The following THEM4 variants were observed in gnomAD, a reference collection of about 807,000 sequenced individuals.
THEM4 encodes thioesterase superfamily member 4, also known as acyl-coenzyme A thioesterase THEM4.
Under a neutral mutation model 25.0 loss-of-function variants are expected in THEM4, and 22 were observed. That is an observed-to-expected ratio of 0.88 (90% CI 0.63 to 1.26). The LOEUF (loss-of-function observed/expected upper bound fraction) is 1.26, where lower values mean the gene tolerates loss of function less well. THEM4 is among the 50% of genes most tolerant of loss of function. The pLI is 0.00. For missense variants in THEM4, 286 were observed against 300.3 expected, an observed-to-expected ratio of 0.95 and a Z score of 0.35; for synonymous variants, 113 against 105.6, an observed-to-expected ratio of 1.07 and a Z score of -0.43.
At chr1:151,880,591 T>C (rs1163171214) in intron 4 of THEM4, among the ~76,000 whole-genome samples, 2 of 152,240 alleles carry the variant, frequency 1.3e-5, no homozygotes, top group African/African-American at 2.4e-5. Flanking sequence ...TAGACGCATA[T>C]TGATTTAGTT....
At chr1:151,882,159 T>C (rs1653837202) in intron 4 of THEM4, among the ~76,000 whole-genome samples, 1 of 151,788 alleles carries the variant, frequency 6.6e-6, no homozygotes, top group African/African-American at 2.4e-5. Flanking sequence ...GGATGGATCA[T>C]GAGGCCAGGA....
At chr1:151,892,814 G>A (rs1654122322) in intron 2 of THEM4, among the ~76,000 whole-genome samples, 1 of 152,114 alleles carries the variant, frequency 6.6e-6, no homozygotes, top group Admixed American at 6.5e-5. Context: ...CTGAGAGACT[G>A]CATGAGATTA....
At chr1:151,903,138 T>A (rs1000015132) in intron 1 of THEM4, among the ~76,000 whole-genome samples, 4 of 152,114 alleles carry the variant, frequency 2.6e-5, no homozygotes, top group African/African-American at 7.2e-5. Context: ...TTTTTCCATA[T>A]ATATATATTT....
At chr1:151,880,409 C>T (rs932811328) in intron 4 of THEM4, among the ~76,000 whole-genome samples, 5 of 151,612 alleles carry the variant, frequency 3.3e-5, no homozygotes, top group Non-Finnish European at 7.4e-5. Context: ...ATCCAGCAGG[C>T]GGAGGTTGCC....
At position 151,887,786 on chromosome 1, in the gene THEM4, C is replaced by T. The variant is rs1230493608; in HGVS notation, c.557+487G>A. On this transcript the variant is annotated intron_variant, in intron 4 of 5. Transcript: ENST00000368814. The stretch of plus-strand genomic sequence containing the variant: ...TACAGACGTGCACTGCTGGGCCCAG[C>T]TAAATTTTTAAAAAATTAATTTTGT... 6.6e-5 allele frequency among the ~76,000 whole-genome samples: 10 copies of T among 152,206 alleles called. 1 individual carries two copies. In the East Asian group the frequency reaches 1.9e-3, roughly 29 times the overall value.
At chr1:151,909,296 C>A in intron 1 of THEM4, 64 bp downstream of exon 1, 1 of 1,353,432 alleles carries the variant, frequency 7.4e-7, no homozygotes, top group South Asian at 1.3e-5. Context: ...ATCGAAGGCT[C>A]TGTTACCGCA....
At chr1:151,889,403 G>T (rs1460978958) in intron 2 of THEM4, 30 bp from the exon 3 acceptor site, 12 of 1,606,482 alleles carry the variant, frequency 7.5e-6, no homozygotes. Context: ...TGGCAAATGA[G>T]AAACAAGGGT....
intron 1 of THEM4, among the ~76,000 whole-genome samples, chr1:151,908,610 G>A (rs184249089): frequency 2.4e-4 from 37 of 152,324 alleles, no homozygotes; most frequent in Middle Eastern, 6.8e-3. Flanking sequence ...TTCTTAAGGA[G>A]TGCTCAGCTT....
chr1:151,894,145 G>A lies in THEM4; in HGVS notation c.286+863C>T, dbSNP rs562846734. On this transcript the variant is annotated intron_variant, in intron 2 of 5. Transcript: ENST00000368814. ...CCCAAAGTGCTGGGATTATAGGCAT[G>A]AGCCACGGTGCCTGGCCCAAGGGCC... Among the ~76,000 whole-genome samples the A allele has an allele frequency of 3.3e-5, 5 of 152,284 alleles. No homozygotes were observed. In the South Asian group the frequency reaches 8.3e-4, roughly 25 times the overall value.
chr1:151,909,400 A>T lies in THEM4; in HGVS notation c.59T>A (p.Val20Glu), dbSNP rs1206910583. ...CTCGCTTCCCGGCAGGCGCCGGCCT[A>T]CTGGCGGCAGGCACAGAGCCCCCAG... ...RTLGALCLPP[V>E]GRRLPGSEPR... is the part of the protein sequence containing the mutation. The change falls in exon 1 of 6, where the codon GTA becomes GAA. Residue 20 changes from valine to glutamate, a missense_variant. Val to Glu is a moderately radical substitution (Grantham distance 121). Transcript: ENST00000368814. 2.3e-5 allele frequency: 35 copies of T among 1,505,170 alleles called. No individual in the cohort carries two copies. The highest frequency in any genetic ancestry group is 3.1e-5 in the Non-Finnish European group (35 of 1,133,560). The allele number at this position is 1,505,170 out of a possible 1,614,324, so 93.2% of individuals were successfully genotyped here.
At position 151,874,831 on chromosome 1, in the gene THEM4, G is replaced by A. The variant is rs1653637234; in HGVS notation, c.*57C>T. Reference sequence around the variant, plus strand: ...CAGCAGTGAGGGAGCAGAGTATTTGGGGGACAACTGCTTCTTCTGGAGGGG... The same window carrying A: ...CAGCAGTGAGGGAGCAGAGTATTTGAGGGACAACTGCTTCTTCTGGAGGGG... On this transcript the variant is annotated 3_prime_UTR_variant, in exon 6 of 6. Transcript: ENST00000368814. The A allele has an allele frequency of 6.5e-7, 1 of 1,539,274 alleles. No individual in the cohort carries two copies. Among genetic ancestry groups the A allele is most frequent in the Middle Eastern group, 2.2e-4 (1 of 4,536 alleles).
At position 151,873,092 on chromosome 1, in the gene THEM4, C is replaced by A. The variant is rs866488284; in HGVS notation, c.*1796G>T. Among the ~76,000 whole-genome samples, 2 of 152,108 alleles carry A rather than the reference C, an allele frequency of 1.3e-5. No homozygotes were observed. The highest frequency in any genetic ancestry group is 2.9e-5 in the Non-Finnish European group (2 of 68,006). On this transcript the variant is annotated 3_prime_UTR_variant, in exon 6 of 6. Transcript: ENST00000368814. ...GAGAAAACCACCCTGTGGCTGGAGC[C>A]AAGATACGCTGGCGGCAATGCTGCT...
chr1:151,903,432 A>G (rs1654394684), intron 1 of THEM4, among the ~76,000 whole-genome samples: 1 of 152,262 alleles, frequency 6.6e-6, no homozygotes. Context: ...TTTCAATAGC[A>G]GAAAAATAGT....
At chr1:151,885,504 T>C (rs1260742434) in intron 4 of THEM4, among the ~76,000 whole-genome samples, 2 of 152,292 alleles carry the variant, frequency 1.3e-5, no homozygotes, top group African/African-American at 4.8e-5. Context: ...CCCTGAGGTC[T>C]AAATCTTATT....
In THEM4 at chr1:151,895,346, C is replaced by A. The variant is rs1042910472; in HGVS notation, c.100-152G>T. ...AAGGGAATTTCAGGGATCATCTGGTCCAACCTCCTTGGGAAAATGAGAGAC... is the reference window on the plus strand; with the variant it reads ...AAGGGAATTTCAGGGATCATCTGGTACAACCTCCTTGGGAAAATGAGAGAC... On this transcript the variant is annotated intron_variant, in intron 1 of 5. Transcript: ENST00000368814. 40 of 695,712 alleles carry A rather than the reference C, an allele frequency of 5.7e-5. No homozygotes were observed. In the South Asian group the frequency reaches 6.4e-4, roughly 11 times the overall value. 43.1% of individuals were successfully genotyped at this position (695,712 alleles called of 1,614,324 possible).
intron 4 of THEM4, among the ~76,000 whole-genome samples, chr1:151,884,051 G>T (rs1361777077): frequency 6.6e-6 from 1 of 151,192 alleles, no homozygotes; most frequent in Non-Finnish European, 1.5e-5. Flanking sequence ...CTCCAGCCTG[G>T]GTGGCAGAGT....
At chr1:151,881,480 T>C (rs775745109) in intron 4 of THEM4, among the ~76,000 whole-genome samples, 36 of 152,240 alleles carry the variant, frequency 2.4e-4, no homozygotes, top group Non-Finnish European at 4.4e-4. Flanking sequence ...GTCCACCATT[T>C]AGGAGCTCCC....
intron 4 of THEM4, among the ~76,000 whole-genome samples, chr1:151,879,440 A>G (rs527728568): frequency 1.9e-4 from 29 of 151,692 alleles, no homozygotes; most frequent in Admixed American, 3.3e-4. Flanking sequence ...CTCAAATTCA[A>G]TGTGGCCAGA....
At chr1:151,876,926 C>T (rs892013843) in intron 5 of THEM4, 75 bp downstream of exon 5, 15 of 1,466,184 alleles carry the variant, frequency 1.0e-5, no homozygotes, top group Non-Finnish European at 1.4e-5. Context: ...CCCAAATCAA[C>T]CAACCAACCA....
Sources: allele counts gnomAD v4.1 joint callset (sites outside exome capture counted in the v4.1 genomes callset), GRCh38; gene constraint gnomAD v4.1.1; transcripts MANE v1.5; gene names NCBI Gene and HGNC (gene_info 2026-07-23, HGNC 2026-07-21).